PTPRZ1: variants seen among roughly 807,000 people sequenced by gnomAD.
The protein encoded by PTPRZ1 is protein tyrosine phosphatase receptor type Z1.
A neutral mutation model predicts 214.1 loss-of-function variants in PTPRZ1; 82 were observed. The observed-to-expected ratio is 0.38, with a 90% CI of 0.32 to 0.46. The LOEUF is 0.46. PTPRZ1 is among the 20% of genes least tolerant of loss of function. The probability of loss-of-function intolerance (pLI) is 1.00; values close to 1 mark genes in which losing one functional copy is unlikely to be tolerated. For synonymous variants in PTPRZ1, 945 were observed against 987.9 expected (o/e 0.96, Z 0.81); for missense variants, 2,603 against 2,748.7 (o/e 0.95, Z 1.19).
At chr7:121,914,189 C>T (rs951756593) in intron 1 of PTPRZ1, among the ~76,000 whole-genome samples, 1 of 152,110 alleles carries the variant, frequency 6.6e-6, no homozygotes, top group African/African-American at 2.4e-5. Context: ...CCAGACATTT[C>T]TGTTTTTAGC....
chr7:121,922,010 C>G (rs62475703), intron 1 of PTPRZ1, among the ~76,000 whole-genome samples: 15,916 of 152,094 alleles, frequency 0.1, 1,098 homozygotes, highest in Middle Eastern at 0.14. Context: ...TCACAGCAAG[C>G]CAATCCTTAA....
In PTPRZ1 at chr7:122,011,499, C is replaced by A. The variant is rs1349892260; in HGVS notation, c.2453C>A (p.Pro818His). Residue 818 changes from proline (P) to histidine (H), a missense_variant, in exon 12 of 30, where the codon CCT becomes CAT. Physicochemically the swap from Pro to His is moderately conservative, Grantham distance 77. Coordinates refer to ENST00000393386, the MANE Select transcript of PTPRZ1 (RefSeq NM_002851.3). The part of the protein sequence containing the change: ...ESILSSYDGA[P>H]LLPFSSASFS... ...ATCCTGTCTTCCTATGATGGTGCAC[C>A]TTTGCTTCCATTTTCCTCTGCTTCC... The A allele has an allele frequency of 6.2e-7, 1 of 1,613,790 alleles. No individual in the cohort carries two copies. The highest frequency in any genetic ancestry group is 1.7e-5 in the Admixed American group (1 of 59,988).
chr7:122,014,022 A>G (rs1798771616), intron 12 of PTPRZ1, 133 bp downstream of exon 12: 3 of 699,206 alleles, frequency 4.3e-6, no homozygotes, highest in Non-Finnish European at 6.8e-6. Flanking sequence ...CATTCAACAA[A>G]TCAGTCTCCA....
chr7:122,045,014 A>G (rs1318576318), intron 23 of PTPRZ1, among the ~76,000 whole-genome samples: 1 of 152,102 alleles, frequency 6.6e-6, no homozygotes, highest in Non-Finnish European at 1.5e-5. Context: ...ACACACTGGA[A>G]TAATAGCTTC....
chr7:122,021,782 T>A (rs984537869), intron 13 of PTPRZ1, among the ~76,000 whole-genome samples: 2 of 152,164 alleles, frequency 1.3e-5, no homozygotes, highest in African/African-American at 4.8e-5. Flanking sequence ...ATGTTTTATA[T>A]CTATTAAATG....
At chr7:121,934,429 AG>A (rs1186036872) in intron 2 of PTPRZ1, among the ~76,000 whole-genome samples, 1 of 137,732 alleles carries the variant, frequency 7.3e-6, no homozygotes, top group Non-Finnish European at 1.5e-5. Context: ...TCGAGCTTGC[AG>A]TGAGCCGAGA....
At chr7:122,035,199 C>T (rs543028250) in intron 17 of PTPRZ1, among the ~76,000 whole-genome samples, 7 of 152,164 alleles carry the variant, frequency 4.6e-5, no homozygotes, top group Admixed American at 2.6e-4. Flanking sequence ...ATTCTGGTTT[C>T]ATTCTAGTTC....
At chr7:121,978,453 G>A (rs1584704794) in intron 6 of PTPRZ1, among the ~76,000 whole-genome samples, 1 of 152,112 alleles carries the variant, frequency 6.6e-6, no homozygotes, top group East Asian at 1.9e-4. Context: ...GAAAGCAAAG[G>A]GTAAGCAAGG....
At chr7:122,038,638 A>G in intron 18 of PTPRZ1, 117 bp from the exon 19 acceptor site, 1 of 944,174 alleles carries the variant, frequency 1.1e-6, no homozygotes, top group Non-Finnish European at 1.5e-6. Context: ...TTGCAAGTTT[A>G]TTTTTTATGG....
chr7:122,049,160 C>T (rs915863498), intron 23 of PTPRZ1, among the ~76,000 whole-genome samples: 12 of 151,954 alleles, frequency 7.9e-5, no homozygotes, highest in Admixed American at 2.0e-4. Context: ...AAAAAGAACT[C>T]TTAGTAAACC....
In PTPRZ1 at chr7:122,010,228, A is replaced by G. The variant is rs969665624; in HGVS notation, c.1288-106A>G. ...TACAGAATGGTGTTTTATGAGGATGAGAAGTTCCCAAGATACCACAAGTGA... is the reference window on the plus strand; with the variant it reads ...TACAGAATGGTGTTTTATGAGGATGGGAAGTTCCCAAGATACCACAAGTGA... On this transcript the variant is annotated intron_variant, in intron 11 of 29. Coordinates refer to ENST00000393386, the MANE Select transcript of PTPRZ1 (RefSeq NM_002851.3). The G allele has an allele frequency of 8.2e-5, 91 of 1,106,048 alleles. 1 individual carries two copies. Among genetic ancestry groups the G allele is most frequent in the Non-Finnish European group, 1.1e-4 (89 of 778,520 alleles). The allele number at this position is 1,106,048 out of a possible 1,614,324, so 68.5% of individuals were successfully genotyped here.
intron 11 of PTPRZ1, among the ~76,000 whole-genome samples, chr7:122,006,398 G>A (rs575708537): frequency 6.6e-6 from 1 of 151,774 alleles, no homozygotes; most frequent in African/African-American, 2.4e-5. Context: ...TCGCCCCCTC[G>A]CCACTACATT....
At chr7:122,057,594 C>T (rs1792395866) in intron 27 of PTPRZ1, among the ~76,000 whole-genome samples, 2 of 149,120 alleles carry the variant, frequency 1.3e-5, no homozygotes, top group Non-Finnish European at 3.0e-5. Flanking sequence ...GCATATATTG[C>T]AAATACTTTC....
At position 121,952,634 on chromosome 7, in the gene PTPRZ1, A is replaced by T. The variant is rs562393659; in HGVS notation, c.125-15317A>T. The stretch of plus-strand genomic sequence containing the variant: ...AAAAGTTTTGAAGAATCAATTTATT[A>T]AAAATCAAATATAGTTGGCTTTCAT... On this transcript the variant is annotated intron_variant, in intron 2 of 29. Transcript: ENST00000393386. Among the ~76,000 whole-genome samples the T allele has an allele frequency of 3.3e-5, 5 of 152,318 alleles. No individual in the cohort carries two copies. The South Asian group carries it at 1.0e-3, about 32-fold the overall frequency.
chr7:122,055,220 C>A (rs1792312846), intron 27 of PTPRZ1, 133 bp downstream of exon 27: 1 of 649,888 alleles, frequency 1.5e-6, no homozygotes, highest in Non-Finnish European at 2.3e-6. Flanking sequence ...CACAAATAAT[C>A]AAATTACCTT....
At chr7:121,958,129 G>A (rs2116478404) in intron 2 of PTPRZ1, among the ~76,000 whole-genome samples, 1 of 152,148 alleles carries the variant, frequency 6.6e-6, no homozygotes, top group East Asian at 1.9e-4. Flanking sequence ...TTCGTTCACA[G>A]CAAACTGTTT....
chr7:122,040,468 A>G (rs933652188), intron 20 of PTPRZ1, among the ~76,000 whole-genome samples: 1 of 152,174 alleles, frequency 6.6e-6, no homozygotes, highest in Non-Finnish European at 1.5e-5. Context: ...ACAGCCTTCA[A>G]GTGGTTGAAT....
intron 13 of PTPRZ1, among the ~76,000 whole-genome samples, chr7:122,024,590 T>A (rs1799153844): frequency 6.6e-6 from 1 of 152,128 alleles, no homozygotes; most frequent in South Asian, 2.1e-4. Flanking sequence ...TAGCCTATAC[T>A]ATTTTAATTT....
intron 1 of PTPRZ1, among the ~76,000 whole-genome samples, chr7:121,882,096 A>G (rs1261398194): frequency 1.3e-5 from 2 of 152,232 alleles, no homozygotes; most frequent in African/African-American, 4.8e-5. Flanking sequence ...AAAATTAACA[A>G]TGAACTTTTC....
Sources: allele counts gnomAD v4.1 joint callset (sites outside exome capture counted in the v4.1 genomes callset), GRCh38; gene constraint gnomAD v4.1.1; transcripts MANE v1.5; gene names NCBI Gene and HGNC (gene_info 2026-07-23, HGNC 2026-07-21).